CHD7: variants seen among roughly 807,000 people sequenced by gnomAD.
CHD7 encodes ATP-dependent chromatin remodeler CHD7.
CHD7 carries 24 observed loss-of-function variants against 307.3 expected under a neutral mutation model. The observed-to-expected ratio is 0.08, with a 90% confidence interval of 0.06 to 0.11. The LOEUF is 0.11. Ranked by LOEUF, CHD7 falls within the 10% of genes least tolerant of loss-of-function variation. The pLI is 1.00. For synonymous variants in CHD7, 1,363 were observed against 1,349.9 expected, an observed-to-expected ratio of 1.01 and a Z score of -0.21; for missense variants, 3,106 against 3,727.1, an observed-to-expected ratio of 0.83 and a Z score of 4.34.
chr8:60,811,313 C>T (rs946310124), intron 7 of CHD7, among the ~76,000 whole-genome samples: 3 of 152,166 alleles, frequency 2.0e-5, no homozygotes, highest in African/African-American at 7.2e-5. Flanking sequence ...CCTCCCTTTC[C>T]ACCCCATTCC....
At position 60,866,222 on chromosome 8, in the gene CHD7, A is replaced by G. The variant is rs1206240154; in HGVS notation, c.*289A>G. The G allele has an allele frequency of 4.1e-6, 1 of 242,108 alleles. No homozygotes were observed. The highest frequency in any genetic ancestry group is 2.3e-5 in the African/African-American group (1 of 44,270). The allele number at this position is 242,108 out of a possible 1,614,324, so 15.0% of individuals were successfully genotyped here. A position where few individuals can be genotyped will look rare whatever the true frequency, so the allele number is the denominator to read the frequency against. On this transcript the variant is annotated 3_prime_UTR_variant, in exon 38 of 38. Transcript: ENST00000423902. ...TGCTTTTTTTTTTTCTCTTGGTACC[A>G]TTGGTATTATAATAAAGAGCAATTT... is the stretch of plus-strand genomic sequence containing the variant.
intron 11 of CHD7, 23 bp from the exon 12 acceptor site, chr8:60,822,480 T>G (rs1366988059): frequency 1.2e-6 from 2 of 1,610,156 alleles, no homozygotes; most frequent in South Asian, 1.1e-5. Context: ...ATTAAACTTT[T>G]GTACTTCATT....
rs1463501939 is a variant in CHD7, at chr8:60,856,126, T to A, written c.7088T>A (p.Phe2363Tyr). Residue 2363 changes from phenylalanine (F) to tyrosine (Y), a missense_variant, in exon 33 of 38, where the codon TTT becomes TAT. Around this residue, in one of 10 missense-constraint regions of CHD7, gnomAD observed 1,030 missense variants for 1,165.4 expected, o/e 0.88. Transcript: ENST00000423902. ...GACAGCCCCTTGCAGAAGAGGAGCT[T>A]TGCTGAGCTCTCCATGGTCGGCCAA... ...TVDSPLQKRS[F>Y]AELSMVGQAS... is the part of the protein sequence containing the mutation. The A allele has an allele frequency of 6.2e-7, 1 of 1,610,228 alleles. No individual in the cohort carries two copies. The highest frequency in any genetic ancestry group is 1.3e-5 in the African/African-American group (1 of 74,988).
Position 60,828,817 on chromosome 8 carries a change from G to C in CHD7, c.3522+11G>C, listed in dbSNP as rs1266763613. The stretch of plus-strand genomic sequence containing the variant: ...AAAACAGAAGAGCAGGTATTTATCA[G>C]CTCCACTTTGTATTTCAGTTATAAA... On this transcript the variant is annotated intron_variant, in intron 14 of 37. Coordinates refer to ENST00000423902, the MANE Select transcript of CHD7 (RefSeq NM_017780.4). 7 of 1,609,952 alleles carry C rather than the reference G, an allele frequency of 4.3e-6. No homozygotes were observed. Among genetic ancestry groups the C allele is most frequent in the African/African-American group, 2.7e-5 (2 of 74,916 alleles).
At chr8:60,802,453 A>G (rs1160833797) in intron 6 of CHD7, among the ~76,000 whole-genome samples, 2 of 152,200 alleles carry the variant, frequency 1.3e-5, no homozygotes, top group African/African-American at 2.4e-5. Context: ...GTCATTATCA[A>G]TTCCACACAG....
chr8:60,756,744 G>T (rs1809918155), intron 2 of CHD7, among the ~76,000 whole-genome samples: 1 of 151,980 alleles, frequency 6.6e-6, no homozygotes, highest in South Asian at 2.1e-4. Flanking sequence ...AAATGGATGG[G>T]GTGGGTGCAT....
At chr8:60,796,420 G>A (rs536463747) in intron 4 of CHD7, among the ~76,000 whole-genome samples, 1 of 152,212 alleles carries the variant, frequency 6.6e-6, no homozygotes, top group African/African-American at 2.4e-5. Flanking sequence ...TTATCCGTAA[G>A]GGTATTTTCT....
intron 1 of CHD7, among the ~76,000 whole-genome samples, chr8:60,721,405 C>T (rs537340263): frequency 2.8e-4 from 43 of 152,286 alleles, no homozygotes; most frequent in African/African-American, 6.0e-4. Context: ...TCCTGCCTTG[C>T]CAGCACCTTC....
rs566750255 is a variant in CHD7 at position 60,745,900 on chromosome 8, C to T, written c.1665+2803C>T. ...TAGATTAAGTGGGCTTAACATATAC[C>T]GAGTGCCTAGTATAATGTCCACTCC... On this transcript the variant is annotated intron_variant, in intron 2 of 37. Coordinates refer to ENST00000423902, the MANE Select transcript of CHD7 (RefSeq NM_017780.4). Among the ~76,000 whole-genome samples, 10 of 152,250 alleles carry T rather than the reference C, an allele frequency of 6.6e-5. No homozygotes were observed. The South Asian group carries it at 1.7e-3, about 25-fold the overall frequency.
intron 23 of CHD7, among the ~76,000 whole-genome samples, chr8:60,846,505 G>A (rs1805217205): frequency 6.6e-6 from 1 of 152,064 alleles, no homozygotes; most frequent in South Asian, 2.1e-4. Context: ...ACTAGTTCAG[G>A]CAACAATGCT....
chr8:60,729,289 G>A (rs1808323253), intron 1 of CHD7, among the ~76,000 whole-genome samples: 1 of 152,198 alleles, frequency 6.6e-6, no homozygotes, highest in Admixed American at 6.5e-5. Flanking sequence ...AAGTAGAAGA[G>A]TGAGATATGT....
At chr8:60,680,331 C>T (rs1177117917) in intron 1 of CHD7, among the ~76,000 whole-genome samples, 1 of 123,070 alleles carries the variant, frequency 8.1e-6, no homozygotes, top group Non-Finnish European at 1.6e-5. Context: ...GGGGCTCGGG[C>T]GGGGGCGCGG....
Position 60,817,724 on chromosome 8 carries a change from T to C in CHD7, c.2613+1223T>C, listed in dbSNP as rs149485359. Among the ~76,000 whole-genome samples the C allele has an allele frequency of 8.0e-4, 122 of 152,344 alleles. No homozygotes were observed. In the East Asian group the frequency reaches 0.016, roughly 20 times the overall value. Reference sequence around the variant, plus strand: ...GAAGAAAGAATCTTAATATTTGATTTTGAGGACAATGCTGTGAGATTCTAT... The same window carrying C: ...GAAGAAAGAATCTTAATATTTGATTCTGAGGACAATGCTGTGAGATTCTAT... On this transcript the variant is annotated intron_variant, in intron 8 of 37. Coordinates refer to ENST00000423902, the MANE Select transcript of CHD7 (RefSeq NM_017780.4).
chr8:60,708,714 C>T (rs1807131925), intron 1 of CHD7, among the ~76,000 whole-genome samples: 2 of 152,190 alleles, frequency 1.3e-5, no homozygotes, highest in Admixed American at 1.3e-4. Context: ...ACGATTTTGT[C>T]CACTCAAACT....
intron 5 of CHD7, 133 bp downstream of exon 5, chr8:60,800,658 T>C: frequency 1.2e-6 from 1 of 866,384 alleles, no homozygotes. Context: ...TTGGATAATG[T>C]GCTATGGGAA....
intron 13 of CHD7, among the ~76,000 whole-genome samples, chr8:60,826,785 G>C (rs1398744091): frequency 6.6e-6 from 1 of 152,176 alleles, no homozygotes; most frequent in Admixed American, 6.5e-5. Context: ...TGGAGATCAT[G>C]GTAGTTCTTC....
At chr8:60,797,124 A>G (rs1057171302) in intron 4 of CHD7, among the ~76,000 whole-genome samples, 1 of 152,222 alleles carries the variant, frequency 6.6e-6, no homozygotes, top group Non-Finnish European at 1.5e-5. Context: ...AATCTTTCAG[A>G]TAATAATAGT....
intron 2 of CHD7, among the ~76,000 whole-genome samples, chr8:60,748,099 A>G (rs759822239): frequency 2.0e-5 from 3 of 152,184 alleles, no homozygotes; most frequent in East Asian, 3.9e-4. Flanking sequence ...AGGGAGAACA[A>G]TCTTGCTGTG....
In CHD7 at chr8:60,800,494, C is replaced by G. The variant is rs1812251287; in HGVS notation, c.2345C>G (p.Ser782Cys). The change falls in exon 5 of 38, where the codon TCC (serine) becomes TGC (cysteine). Residue 782 changes from serine to cysteine, a missense_variant. Ser to Cys is a moderately radical substitution (Grantham distance 112). Around this residue, in one of 10 missense-constraint regions of CHD7, gnomAD observed 998 missense variants for 1,004.5 expected, o/e 0.99. Coordinates refer to ENST00000423902, the MANE Select transcript of CHD7 (RefSeq NM_017780.4). ...ADDADAAGRD[S>C]PSNTSQSEQQ... The stretch of plus-strand genomic sequence containing the variant: ...GATGCAGATGCTGCTGGGAGGGATT[C>G]CCCCTCCAACACCTCCCAGTCAGAA... The G allele has an allele frequency of 6.2e-7, 1 of 1,613,548 alleles. No individual in the cohort carries two copies. Among genetic ancestry groups the G allele is most frequent in the South Asian group, 1.1e-5 (1 of 91,034 alleles).
Sources: allele counts gnomAD v4.1 joint callset (sites outside exome capture counted in the v4.1 genomes callset), GRCh38; gene constraint gnomAD v4.1.1; regional missense constraint gnomAD v4.1.1; transcripts MANE v1.5; gene names NCBI Gene and HGNC (gene_info 2026-07-23, HGNC 2026-07-21).